NAALADL2: variants seen among roughly 807,000 people sequenced by gnomAD.
The protein encoded by NAALADL2 is N-acetylated alpha-linked acidic dipeptidase like 2.
Under a neutral mutation model 87.2 loss-of-function variants are expected in NAALADL2, and 76 were observed. The ratio of observed to expected loss-of-function variants is 0.87; its 90% CI spans 0.72 to 1.05. The LOEUF (loss-of-function observed/expected upper bound fraction) is 1.05. Ranked by LOEUF, NAALADL2 falls within the 50% of genes least tolerant of loss-of-function variation. The probability of loss-of-function intolerance (pLI) is 0.00; values close to 1 mark genes in which losing one functional copy is unlikely to be tolerated. For synonymous variants in NAALADL2, 354 were observed against 331.0 expected, an observed-to-expected ratio of 1.07 and a Z score of -0.75; for missense variants, 1,089 against 945.8, an observed-to-expected ratio of 1.15 and a Z score of -1.99.
At chr3:175,787,684 C>G (rs1266519672) in intron 13 of NAALADL2, among the ~76,000 whole-genome samples, 2 of 151,968 alleles carry the variant, frequency 1.3e-5, no homozygotes, top group African/African-American at 4.8e-5. Flanking sequence ...GCGTCGCTCA[C>G]GCTGGGAGCT....
At chr3:175,013,089 TA>T (rs1333989960) in intron 1 of NAALADL2, among the ~76,000 whole-genome samples, 12 of 58,030 alleles carry the variant, frequency 2.1e-4, no homozygotes, top group South Asian at 1.0e-3. Context: ...AATACATATT[TA>T]TATATAAATA....
In NAALADL2 at chr3:175,483,324, GGC is replaced by G. The variant is rs1338933459; in HGVS notation, c.1653+11567_1653+11568del. 7.9e-3 allele frequency among the ~76,000 whole-genome samples: 1,074 copies of G among 136,004 alleles called. 15 individuals carry two copies. The highest frequency in any genetic ancestry group is 0.029 in the African/African-American group (1,014 of 35,226). The allele number at this position is 136,004 out of a possible 152,430, so 89.2% of individuals were successfully genotyped here. A position where few individuals can be genotyped will look rare whatever the true frequency, so the allele number is the denominator to read the frequency against. On this transcript the variant is annotated intron_variant, in intron 9 of 13. Transcript: ENST00000454872. Reference sequence around the variant, plus strand: ...TTAATTGCAATTGACTTTACTTTTTGGCTTTTTTTTTTTTTTTAACTTTCCTT... The same window carrying G: ...TTAATTGCAATTGACTTTACTTTTTGTTTTTTTTTTTTTTTAACTTTCCTT...
At chr3:174,590,522 C>T (rs1292141060) in intron 2 of NAALADL2, among the ~76,000 whole-genome samples, 2 of 151,890 alleles carry the variant, frequency 1.3e-5, no homozygotes, top group African/African-American at 4.8e-5. Context: ...TAGATTTTGT[C>T]CCTCTTATTA....
At position 174,621,863 on chromosome 3, in the gene NAALADL2, TATTGTAAGGAACATGTGAA is replaced by T. The variant is rs564420768; in HGVS notation, c.-115+71228_-115+71246del. On this transcript the variant is annotated intron_variant, in intron 2 of 3. Coordinates refer to the NAALADL2 transcript ENST00000434257. Reference sequence around the variant, plus strand: ...AAAAATAGAAGCTTATTTATTAATTTATTGTAAGGAACATGTGAAAAAGTTGCAGTCGTCATCCAGTAGG... The same window carrying T: ...AAAAATAGAAGCTTATTTATTAATTTAAAGTTGCAGTCGTCATCCAGTAGG... Among the ~76,000 whole-genome samples the T allele has an allele frequency of 1.4e-3, 211 of 152,322 alleles. 1 individual carries two copies. Among genetic ancestry groups the T allele is most frequent in the African/African-American group, 4.8e-3 (198 of 41,576 alleles).
chr3:175,425,915 T>C (rs978621049), intron 5 of NAALADL2, among the ~76,000 whole-genome samples: 1 of 152,166 alleles, frequency 6.6e-6, no homozygotes, highest in Non-Finnish European at 1.5e-5. Context: ...TAGGTGGTGA[T>C]AAATACTGAG....
At chr3:175,342,203 AAAG>A (rs1424823054) in intron 5 of NAALADL2, among the ~76,000 whole-genome samples, 1 of 152,144 alleles carries the variant, frequency 6.6e-6, no homozygotes, top group Non-Finnish European at 1.5e-5. Context: ...ATGCTTTTAA[AAAG>A]AAGTGTCAGA....
chr3:175,597,948 T>C (rs1722459546), intron 10 of NAALADL2, among the ~76,000 whole-genome samples: 1 of 152,050 alleles, frequency 6.6e-6, no homozygotes, highest in African/African-American at 2.4e-5. Context: ...AATATGAACA[T>C]TATCTCTATT....
chr3:175,433,659 T>C, intron 5 of NAALADL2, among the ~76,000 whole-genome samples: 1 of 152,056 alleles, frequency 6.6e-6, no homozygotes, highest in East Asian at 1.9e-4. Flanking sequence ...TATAAGAAAG[T>C]AGGCAAAGCA....
chr3:174,558,350 G>A (rs993183742), intron 2 of NAALADL2, among the ~76,000 whole-genome samples: 8 of 146,568 alleles, frequency 5.5e-5, no homozygotes, highest in African/African-American at 1.7e-4. Context: ...GACTGGGTAC[G>A]GGGGGGATGG....
chr3:174,571,817 A>G (rs1313257422), intron 2 of NAALADL2, among the ~76,000 whole-genome samples: 1 of 152,038 alleles, frequency 6.6e-6, no homozygotes, highest in Non-Finnish European at 1.5e-5. Flanking sequence ...ATGACTCAAG[A>G]AAAAAAATAT....
intron 4 of NAALADL2, among the ~76,000 whole-genome samples, chr3:175,266,100 A>G (rs1159625456): frequency 2.0e-5 from 3 of 150,686 alleles, no homozygotes; most frequent in Non-Finnish European, 4.5e-5. Context: ...GCATTTCAAA[A>G]TTTCATTAAG....
At chr3:174,965,759 T>C (rs1166495677) in intron 1 of NAALADL2, among the ~76,000 whole-genome samples, 1 of 151,912 alleles carries the variant, frequency 6.6e-6, no homozygotes, top group Non-Finnish European at 1.5e-5. Context: ...TCAGAGGAAG[T>C]TAGAGAATGG....
At chr3:175,655,431 C>T in intron 11 of NAALADL2, 1 of 320,414 alleles carries the variant, frequency 3.1e-6, no homozygotes, top group Non-Finnish European at 6.1e-6. Flanking sequence ...TGGAGTTTGC[C>T]AAACAATGCG....
chr3:175,781,051 A>G (rs965874082), intron 13 of NAALADL2, among the ~76,000 whole-genome samples: 5 of 152,224 alleles, frequency 3.3e-5, no homozygotes, highest in African/African-American at 1.2e-4. Context: ...TGAAATGTGT[A>G]ATTTCAATTT....
intron 1 of NAALADL2, among the ~76,000 whole-genome samples, chr3:174,480,363 T>C (rs926932701): frequency 7.9e-5 from 12 of 152,072 alleles, no homozygotes; most frequent in Non-Finnish European, 1.3e-4. Flanking sequence ...GGGATATCAA[T>C]AGACAGATAT....
chr3:175,713,116 G>A (rs1740749232), intron 11 of NAALADL2, among the ~76,000 whole-genome samples: 1 of 152,014 alleles, frequency 6.6e-6, no homozygotes, highest in Non-Finnish European at 1.5e-5. Context: ...GTCAAACTGT[G>A]ATTTTATTTT....
chr3:174,738,334 A>G (rs974303067), intron 3 of NAALADL2, among the ~76,000 whole-genome samples: 7 of 152,224 alleles, frequency 4.6e-5, no homozygotes, highest in Non-Finnish European at 8.8e-5. Context: ...GAGCTGAGAC[A>G]TTTGAGCAGA....
At chr3:174,540,049 C>T (rs1000714886) in intron 1 of NAALADL2, among the ~76,000 whole-genome samples, 1 of 142,316 alleles carries the variant, frequency 7.0e-6, no homozygotes, top group Non-Finnish European at 1.5e-5. Context: ...ATCTATCTTG[C>T]TATCAGTTAA....
chr3:175,097,448 C>T (rs1211587329), intron 2 of NAALADL2, among the ~76,000 whole-genome samples, 157 bp downstream of exon 2: 1 of 152,050 alleles, frequency 6.6e-6, no homozygotes, highest in Non-Finnish European at 1.5e-5. Context: ...GAGGGGAGCG[C>T]ACATTTTCAG....
Sources: allele counts gnomAD v4.1 joint callset (sites outside exome capture counted in the v4.1 genomes callset), GRCh38; gene constraint gnomAD v4.1.1; transcripts MANE v1.5; gene names NCBI Gene and HGNC (gene_info 2026-07-23, HGNC 2026-07-21).